The following SARDH variants were observed in gnomAD, a reference collection of about 807,000 sequenced individuals.
The protein encoded by SARDH is sarcosine dehydrogenase, mitochondrial.
In SARDH, 95 loss-of-function variants were observed where a neutral mutation model predicts 109.1. The observed-to-expected ratio is 0.87, with a 90% CI of 0.74 to 1.03. SARDH has a LOEUF of 1.03. Among genes scored for constraint, SARDH ranks in the 50% least tolerant of loss-of-function variants. The pLI, the probability that SARDH is intolerant of heterozygous loss-of-function variation, is 0.00. For synonymous variants in SARDH, 572 were observed against 534.8 expected (o/e 1.07, Z -0.96); for missense variants, 1,267 against 1,287.8 (o/e 0.98, Z 0.25).
intron 19 of SARDH, among the ~76,000 whole-genome samples, chr9:133,668,289 C>CT (rs1830147565): frequency 7.4e-6 from 1 of 135,466 alleles, no homozygotes; most frequent in African/African-American, 2.8e-5. Flanking sequence ...CTCTCCCTCC[C>CT]TCTCCCTCCC....
At chr9:133,737,625 CT>C (rs1832928695) in intron 1 of SARDH, among the ~76,000 whole-genome samples, 1 of 152,202 alleles carries the variant, frequency 6.6e-6, no homozygotes, top group Admixed American at 6.5e-5. Flanking sequence ...CTCCCTCCTC[CT>C]TCCGACTGTG....
rs537700554 is a variant in SARDH at position 133,703,164 on chromosome 9, G to A, written c.1555-135C>T. ...TCGGAGAGCCCTGCACTGAGTGCCC[G>A]TGTGTTGTGGACGCGGGCAGGGGGC... On this transcript the variant is annotated intron_variant, in intron 12 of 20. Transcript: ENST00000439388. 3 of 736,244 alleles carry A rather than the reference G, an allele frequency of 4.1e-6. No homozygotes were observed. The South Asian group carries it at 5.0e-5, about 12-fold the overall frequency. 45.6% of individuals were successfully genotyped at this position (736,244 alleles called of 1,614,324 possible). A position where few individuals can be genotyped will look rare whatever the true frequency, so the allele number is the denominator to read the frequency against.
rs568431297 is a variant in SARDH, at chr9:133,667,005, T to G, written c.2496-135A>C. ...CTCCAGGCAGATAGGGCTGGCCTAC[T>G]AGGACTACGCTGGTCCCCAGAGCCA... On this transcript the variant is annotated intron_variant, in intron 19 of 20. Coordinates refer to ENST00000439388, the MANE Select transcript of SARDH (RefSeq NM_001134707.2). 169 of 1,238,398 alleles carry G rather than the reference T, an allele frequency of 1.4e-4. 1 individual carries two copies. The African/African-American group carries it at 2.1e-3, about 16-fold the overall frequency. The allele number at this position is 1,238,398 out of a possible 1,614,324, so 76.7% of individuals were successfully genotyped here. A position where few individuals can be genotyped will look rare whatever the true frequency, so the allele number is the denominator to read the frequency against.
chr9:133,739,646 C>G (rs993402822), upstream of SARDH: 1 of 152,306 alleles, frequency 6.6e-6, no homozygotes, highest in Admixed American at 6.5e-5. Context: ...CTGGCTTAGG[C>G]CCCTGGCTGC....
chr9:133,660,561 G>T (rs1375230547), downstream of SARDH, among the ~76,000 whole-genome samples: 1 of 152,234 alleles, frequency 6.6e-6, no homozygotes, highest in Non-Finnish European at 1.5e-5. Flanking sequence ...AATGATTGGG[G>T]TGTGAGTCCA....
chr9:133,664,419 G>A (rs1027485844), intron 20 of SARDH, among the ~76,000 whole-genome samples: 5 of 152,340 alleles, frequency 3.3e-5, no homozygotes, highest in African/African-American at 1.2e-4. Context: ...AGGGGCGGCT[G>A]GAACAGCCTT....
intron 11 of SARDH, among the ~76,000 whole-genome samples, chr9:133,706,077 A>G (rs1831685671): frequency 6.6e-6 from 1 of 152,244 alleles, no homozygotes; most frequent in Non-Finnish European, 1.5e-5. Flanking sequence ...TAGCAGAAAG[A>G]TGCACCATAC....
In SARDH at chr9:133,712,759, A is replaced by C; in HGVS notation, c.1238-50T>G. On this transcript the variant is annotated intron_variant, in intron 9 of 20. Transcript: ENST00000439388. This position sits in a 1 kb window ranked among gnomAD's most constrained non-coding sequence, Gnocchi z 4.1. ...TGCGGTCTGCCCCCCAGGGTCCCCC[A>C]CCCATGTCCAAACATGTGCCCCCAT... 1.9e-6 allele frequency: 3 copies of C among 1,551,480 alleles called. No homozygotes were observed. The highest frequency in any genetic ancestry group is 2.6e-6 in the Non-Finnish European group (3 of 1,136,990).
At chr9:133,731,196 C>T (rs924024211) in intron 4 of SARDH, 109 bp downstream of exon 4, 7 of 1,421,538 alleles carry the variant, frequency 4.9e-6, no homozygotes, top group Non-Finnish European at 6.7e-6. Flanking sequence ...CCCAAAGTCA[C>T]ACAGCAGTCA....
intron 19 of SARDH, among the ~76,000 whole-genome samples, chr9:133,668,256 C>T (rs578052370): frequency 3.3e-5 from 5 of 150,232 alleles, no homozygotes; most frequent in African/African-American, 7.4e-5. Flanking sequence ...AGGATGACGA[C>T]GACACGGCTC....
chr9:133,683,883 G>A (rs548160108), intron 17 of SARDH, among the ~76,000 whole-genome samples: 2 of 152,286 alleles, frequency 1.3e-5, no homozygotes, highest in South Asian at 2.1e-4. Context: ...CTCCAAACGC[G>A]GCCGTGCACC....
At chr9:133,683,995 C>T (rs974791835) in intron 17 of SARDH, among the ~76,000 whole-genome samples, 14 of 152,352 alleles carry the variant, frequency 9.2e-5, no homozygotes, top group Admixed American at 3.9e-4. Flanking sequence ...GCCCATCCAG[C>T]CTCTCTGAGC....
chr9:133,670,311 AGAGT>A (rs1830294112), intron 19 of SARDH, among the ~76,000 whole-genome samples: 2 of 144,002 alleles, frequency 1.4e-5, no homozygotes, highest in African/African-American at 5.3e-5. Context: ...CCTGGGCAAT[AGAGT>A]GAGACTCCGT....
rs767814775 is a variant in SARDH at position 133,666,934 on chromosome 9, G to A, written c.2496-64C>T. On this transcript the variant is annotated intron_variant, in intron 19 of 20. Transcript: ENST00000439388. This position sits in a 1 kb window ranked among gnomAD's most constrained non-coding sequence, Gnocchi z 5.2. The stretch of plus-strand genomic sequence containing the variant: ...CGCAGGGTGGGGACGCGTCCACAGC[G>A]GCCTGGAGGAGAATGGGGGGCTGCA... 2.4e-5 allele frequency: 38 copies of A among 1,593,808 alleles called. No individual in the cohort carries two copies. Among genetic ancestry groups the A allele is most frequent in the Non-Finnish European group, 2.8e-5 (33 of 1,169,788 alleles).
chr9:133,688,550 A>G (rs1215475988), intron 16 of SARDH, among the ~76,000 whole-genome samples: 1 of 151,208 alleles, frequency 6.6e-6, no homozygotes, highest in Non-Finnish European at 1.5e-5. Flanking sequence ...CCCCCCCACC[A>G]AAGCCCAAGC....
intron 17 of SARDH, among the ~76,000 whole-genome samples, chr9:133,677,423 C>G (rs368953869): frequency 2.6e-5 from 4 of 152,086 alleles, no homozygotes; most frequent in Non-Finnish European, 4.4e-5. Flanking sequence ...GCTTGAGGGT[C>G]GGACCAGAGC....
intron 6 of SARDH, among the ~76,000 whole-genome samples, chr9:133,724,571 G>A (rs1832427406): frequency 2.0e-5 from 3 of 152,238 alleles, no homozygotes; most frequent in African/African-American, 7.2e-5. Context: ...TGGTGGGAAT[G>A]TAAAATGGTG....
chr9:133,705,094 G>A (rs997290701), intron 11 of SARDH, 63 bp from the exon 12 acceptor site: 1 of 1,478,682 alleles, frequency 6.8e-7, no homozygotes, highest in African/African-American at 1.4e-5. Flanking sequence ...GCAGGGCAGA[G>A]AGCCACATCC....
At chr9:133,687,211 C>A (rs1419939426) in intron 16 of SARDH, among the ~76,000 whole-genome samples, 1 of 152,210 alleles carries the variant, frequency 6.6e-6, no homozygotes, top group Non-Finnish European at 1.5e-5. Flanking sequence ...ACAGCGATGG[C>A]CAGTTCTGGG....
Sources: gnomAD v4.1 joint callset for allele counts (sites outside exome capture counted in the v4.1 genomes callset) on GRCh38, gnomAD v4.1.1 for gene constraint, Gnocchi (gnomAD v3.1) non-coding constraint, MANE v1.5 for transcripts, NCBI Gene and HGNC (gene_info 2026-07-23, HGNC 2026-07-21) for gene names.